Variants in TRIO observed in about 807,000 individuals in gnomAD.
TRIO encodes the protein triple functional domain protein.
A neutral mutation model predicts 351.9 loss-of-function variants in TRIO; 58 were observed. The observed-to-expected ratio is 0.16, with a 90% CI of 0.13 to 0.21. The LOEUF is 0.21. TRIO is among the 10% of genes least tolerant of loss of function. TRIO has a pLI of 1.00. For missense variants in TRIO, 3,201 were observed against 4,027.8 expected, an observed-to-expected ratio of 0.79 and a Z score of 5.56; for synonymous variants, 1,758 against 1,595.7, an observed-to-expected ratio of 1.10 and a Z score of -2.42.
chr5:14,335,383 C>G (rs1158639289), intron 10 of TRIO, among the ~76,000 whole-genome samples: 1 of 152,106 alleles, frequency 6.6e-6, no homozygotes, highest in African/African-American at 2.4e-5. Flanking sequence ...AAGGGAAACC[C>G]AAAGCTGACT....
intron 33 of TRIO, among the ~76,000 whole-genome samples, chr5:14,415,407 G>A (rs955718598): frequency 6.6e-6 from 1 of 152,120 alleles, no homozygotes; most frequent in Admixed American, 6.6e-5. Flanking sequence ...GCCGTCTATC[G>A]AGAGCCATAT....
chr5:14,479,025 G>A (rs1755316236), intron 41 of TRIO, among the ~76,000 whole-genome samples: 1 of 152,146 alleles, frequency 6.6e-6, no homozygotes, highest in African/African-American at 2.4e-5. Context: ...ATTTGGTACT[G>A]TAAAGTGAAG....
chr5:14,437,623 T>C (rs1751686142), intron 34 of TRIO, among the ~76,000 whole-genome samples: 1 of 151,800 alleles, frequency 6.6e-6, no homozygotes, highest in Non-Finnish European at 1.5e-5. Flanking sequence ...AACTTTCTTC[T>C]GTGCATGTCT....
At chr5:14,244,900 G>C (rs566752733) in intron 1 of TRIO, among the ~76,000 whole-genome samples, 11 of 152,332 alleles carry the variant, frequency 7.2e-5, no homozygotes, top group African/African-American at 2.6e-4. Flanking sequence ...ATAGGCAGAG[G>C]GGGTGGGCTG....
rs1314786238 is a variant in TRIO at position 14,502,566 on chromosome 5, GTTC to G, written c.8333-7_8333-5del. On this transcript the variant is annotated splice_polypyrimidine_tract_variant and intron_variant, in intron 53 of 56. Transcript: ENST00000344204. ...CGGGAAACAAGCTCAGGCAGGTGCT[GTTC>G]TTCTTGCAGGTCCAGGGATGGATGG... 20 of 1,614,070 alleles carry G rather than the reference GTTC, an allele frequency of 1.2e-5. No individual in the cohort carries two copies. The highest frequency in any genetic ancestry group is 1.7e-4 in the Middle Eastern group (1 of 6,058).
intron 11 of TRIO, among the ~76,000 whole-genome samples, chr5:14,345,238 T>C (rs1742312880): frequency 1.3e-5 from 2 of 152,212 alleles, no homozygotes. Context: ...TTGTGGAAGA[T>C]CATGCAGTGC....
intron 1 of TRIO, among the ~76,000 whole-genome samples, chr5:14,147,361 G>T (rs1234419228): frequency 3.3e-5 from 5 of 152,048 alleles, no homozygotes; most frequent in Admixed American, 6.6e-5. Context: ...ACCCCACTGG[G>T]ACCAATCATT....
intron 2 of TRIO, among the ~76,000 whole-genome samples, chr5:14,271,329 T>C (rs183543099): frequency 9.2e-5 from 14 of 152,292 alleles, no homozygotes; most frequent in African/African-American, 3.4e-4. Context: ...GATGCCTGCT[T>C]CTCCTTGAGA....
At chr5:14,319,676 A>G (rs1226719937) in intron 9 of TRIO, among the ~76,000 whole-genome samples, 3 of 152,220 alleles carry the variant, frequency 2.0e-5, no homozygotes, top group Non-Finnish European at 4.4e-5. Flanking sequence ...AGAGCAAGTT[A>G]CTGAACAATA....
At position 14,465,491 on chromosome 5, in the gene TRIO, G is replaced by A. The variant is rs887874963; in HGVS notation, c.5668-54G>A. 19 of 1,567,280 alleles carry A rather than the reference G, an allele frequency of 1.2e-5. No homozygotes were observed. The African/African-American group carries it at 1.9e-4, about 16-fold the overall frequency. On this transcript the variant is annotated intron_variant, in intron 36 of 56. Transcript: ENST00000344204. The stretch of plus-strand genomic sequence containing the variant: ...TGCAGGGGAATTTACTGTCTGACCA[G>A]TTACTAATGTGAGCCCTTGCCCCAC...
chr5:14,286,814 C>T lies in TRIO; in HGVS notation c.348-57C>T. The T allele has an allele frequency of 6.4e-7, 1 of 1,560,794 alleles. No homozygotes were observed. The highest frequency in any genetic ancestry group is 8.7e-7 in the Non-Finnish European group (1 of 1,152,004). On this transcript the variant is annotated intron_variant, in intron 3 of 56. Transcript: ENST00000344204. The surrounding 1 kb of genome is among the most constrained non-coding windows in gnomAD (Gnocchi z 4.4). ...TCTGTGGCACCCAGTGGGACTCTGACCAGGCAGAGTGGCAAGAGATGTAAC... is the reference window on the plus strand; with the variant it reads ...TCTGTGGCACCCAGTGGGACTCTGATCAGGCAGAGTGGCAAGAGATGTAAC...
intron 1 of TRIO, among the ~76,000 whole-genome samples, chr5:14,152,531 A>G (rs1422042680): frequency 6.6e-6 from 1 of 152,078 alleles, no homozygotes; most frequent in East Asian, 1.9e-4. Flanking sequence ...CACCATGCCC[A>G]GCTAATTTTT....
intron 37 of TRIO, among the ~76,000 whole-genome samples, chr5:14,469,938 C>T (rs897689639): frequency 1.3e-5 from 2 of 152,232 alleles, no homozygotes; most frequent in Non-Finnish European, 2.9e-5. Flanking sequence ...TTCAATCTAA[C>T]AGGCTTCAGC....
chr5:14,236,664 A>T (rs983832346), intron 1 of TRIO, among the ~76,000 whole-genome samples: 2 of 152,254 alleles, frequency 1.3e-5, no homozygotes, highest in Non-Finnish European at 2.9e-5. Flanking sequence ...ATGTCTTAGT[A>T]TAATAACATT....
chr5:14,173,290 A>T (rs2152128342), intron 1 of TRIO, among the ~76,000 whole-genome samples: 1 of 148,278 alleles, frequency 6.7e-6, no homozygotes, highest in Middle Eastern at 3.5e-3. Flanking sequence ...GGCTAATTAC[A>T]ACCTTCACCT....
chr5:14,155,191 C>T (rs149896047), intron 1 of TRIO, among the ~76,000 whole-genome samples: 37 of 152,260 alleles, frequency 2.4e-4, no homozygotes, highest in African/African-American at 8.9e-4. Flanking sequence ...CTTCAGATCC[C>T]CAGTTGTAAG....
intron 40 of TRIO, among the ~76,000 whole-genome samples, chr5:14,474,675 T>A (rs1754920472): frequency 6.6e-6 from 1 of 152,194 alleles, no homozygotes; most frequent in Admixed American, 6.5e-5. Flanking sequence ...GTTATTTTTA[T>A]TTTTTAGAGA....
intron 3 of TRIO, among the ~76,000 whole-genome samples, chr5:14,285,968 A>AT (rs1313284843): frequency 2.0e-5 from 3 of 152,116 alleles, no homozygotes; most frequent in African/African-American, 4.8e-5. Context: ...GCGACTAAGT[A>AT]TTTTTTTAAC....
At chr5:14,445,490 A>G (rs1561498940) in intron 34 of TRIO, among the ~76,000 whole-genome samples, 1 of 152,204 alleles carries the variant, frequency 6.6e-6, no homozygotes, top group Non-Finnish European at 1.5e-5. Flanking sequence ...TCTTTTGTTG[A>G]TACTTTTAAT....
Sources: gnomAD v4.1 joint callset for allele counts (sites outside exome capture counted in the v4.1 genomes callset) on GRCh38, gnomAD v4.1.1 for gene constraint, Gnocchi (gnomAD v3.1) non-coding constraint, MANE v1.5 for transcripts, NCBI Gene and HGNC (gene_info 2026-07-23, HGNC 2026-07-21) for gene names.